The following KIF7 variants were observed in gnomAD, a reference collection of about 807,000 sequenced individuals.
KIF7 encodes the protein kinesin-like protein KIF7.
A neutral mutation model predicts 135.7 loss-of-function variants in KIF7; 104 were observed. That is an observed-to-expected ratio of 0.77 (90% CI 0.65 to 0.90). The LOEUF is 0.90. Among genes scored for constraint, KIF7 ranks in the 40% least tolerant of loss-of-function variants. KIF7 has a pLI of 0.00. For synonymous variants in KIF7, 883 were observed against 809.4 expected, an observed-to-expected ratio of 1.09 and a Z score of -1.54; for missense variants, 2,005 against 1,839.1, an observed-to-expected ratio of 1.09 and a Z score of -1.65.
In KIF7 at chr15:89,633,847, C is replaced by G. The variant is rs1391914901; in HGVS notation, c.2431G>C (p.Val811Leu). ...TTCTCACTCTGGGCCGACAGTGACACCAGCCGCTCCGTAGCCTGCTTCTTC... is the reference window on the plus strand; with the variant it reads ...TTCTCACTCTGGGCCGACAGTGACAGCAGCCGCTCCGTAGCCTGCTTCTTC... ...KEKKQATERL[V>L]SLSAQSEKRL... The change falls in exon 12 of 19, where the codon GTG becomes CTG. Residue 811 changes from valine to leucine, a missense_variant. Physicochemically the swap from Val to Leu is conservative, Grantham distance 32. Coordinates refer to ENST00000394412, the MANE Select transcript of KIF7 (RefSeq NM_198525.3). 1.2e-6 allele frequency: 2 copies of G among 1,613,766 alleles called. No individual in the cohort carries two copies. The highest frequency in any genetic ancestry group is 1.7e-6 in the Non-Finnish European group (2 of 1,180,042).
At chr15:89,652,524 G>T in intron 2 of KIF7, 79 bp downstream of exon 2, 1 of 1,113,872 alleles carries the variant, frequency 9.0e-7, no homozygotes, top group Non-Finnish European at 1.3e-6. Flanking sequence ...AGAACAGGCA[G>T]CAAGAGGACA....
At position 89,639,599 on chromosome 15, in the gene KIF7, C is replaced by A. The variant is rs1237734087; in HGVS notation, c.2394+2604G>T. On this transcript the variant is annotated intron_variant, in intron 11 of 18. Transcript: ENST00000394412. ...AATCAAAACCACAATGAGATACCAT[C>A]TCACACCAGTTAGAATGGCAATCAT... Among the ~76,000 whole-genome samples the A allele has an allele frequency of 2.2e-4, 29 of 132,264 alleles. No homozygotes were observed. In the East Asian group the frequency reaches 5.8e-3, roughly 27 times the overall value. 86.8% of individuals were successfully genotyped at this position (132,264 alleles called of 152,430 possible).
chr15:89,638,151 T>C (rs1200272598), intron 11 of KIF7, among the ~76,000 whole-genome samples: 7 of 149,800 alleles, frequency 4.7e-5, no homozygotes, highest in African/African-American at 1.7e-4. Context: ...GGGACGTATC[T>C]CAAAATCATA....
intron 16 of KIF7, chr15:89,629,922 G>A (rs921757314): frequency 1.9e-6 from 1 of 516,232 alleles, no homozygotes; most frequent in Non-Finnish European, 3.5e-6. Context: ...CCTGTCCTGT[G>A]TGTTATAGGA....
chr15:89,628,878 C>T, intron 18 of KIF7, 92 bp from the exon 19 acceptor site: 1 of 1,610,942 alleles, frequency 6.2e-7, no homozygotes, highest in Non-Finnish European at 8.5e-7. Context: ...AATAAGCAAC[C>T]TGTGAATTGA....
intron 1 of KIF7, among the ~76,000 whole-genome samples, chr15:89,653,760 G>GTATTAA (rs1321681775): frequency 7.6e-5 from 2 of 26,392 alleles, no homozygotes; most frequent in African/African-American, 2.2e-4. Flanking sequence ...ATTAGTATTA[G>GTATTAA]TATTAGTATT....
chr15:89,623,931 G>A (rs753914014), downstream of KIF7: 7 of 1,613,960 alleles, frequency 4.3e-6, no homozygotes, highest in South Asian at 7.7e-5. Context: ...CTGGGTTTTT[G>A]CCAAACTGTA....
intron 14 of KIF7, among the ~76,000 whole-genome samples, 177 bp downstream of exon 14, chr15:89,632,643 T>C (rs1963704634): frequency 6.6e-6 from 1 of 152,148 alleles, no homozygotes; most frequent in Admixed American, 6.5e-5. Flanking sequence ...CTCTCCTGTC[T>C]AGACCTCGCC....
chr15:89,620,924 G>C (rs1055474926), intron 1 of KIF7, among the ~76,000 whole-genome samples: 2 of 150,592 alleles, frequency 1.3e-5, no homozygotes, highest in African/African-American at 4.9e-5. Flanking sequence ...AGGTTTCACT[G>C]TGTTAGCCAG....
At chr15:89,622,488 G>A (rs1157609490) in intron 1 of KIF7, among the ~76,000 whole-genome samples, 2 of 152,138 alleles carry the variant, frequency 1.3e-5, no homozygotes, top group South Asian at 2.1e-4. Flanking sequence ...CTCCCCGTCC[G>A]CTAAAGCAAG....
intron 2 of KIF7, among the ~76,000 whole-genome samples, 165 bp downstream of exon 2, chr15:89,652,438 T>C (rs536989262): frequency 6.6e-6 from 1 of 152,262 alleles, no homozygotes; most frequent in Admixed American, 6.5e-5. Flanking sequence ...CCCACAGACA[T>C]GGCTGGTCCC....
At chr15:89,623,832 T>A, downstream of KIF7, 1 of 1,613,680 alleles carries the variant, frequency 6.2e-7, no homozygotes, top group Non-Finnish European at 8.5e-7. Context: ...CAAAAATCAC[T>A]CCTCAAAAAC....
chr15:89,624,312 C>T (rs1463490639), downstream of KIF7: 1 of 1,614,192 alleles, frequency 6.2e-7, no homozygotes, highest in East Asian at 2.2e-5. Flanking sequence ...AGTGTCCTTC[C>T]CCAGGAGAAC....
In KIF7 at chr15:89,652,830, T is replaced by C; in HGVS notation, c.101A>G (p.His34Arg). 1 of 1,550,382 alleles carries C rather than the reference T, an allele frequency of 6.5e-7. No homozygotes were observed. The highest frequency in any genetic ancestry group is 8.7e-7 in the Non-Finnish European group (1 of 1,146,702). ...PLLPKELLHGHQSCLQVEPGL... is the reference protein window; with the variant it reads ...PLLPKELLHGRQSCLQVEPGL... ...TGGCTCCACCTGCAGGCAGCTCTGATGCCCGTGCAGCAGCTCCTTGGGCAG... is the reference window on the plus strand; with the variant it reads ...TGGCTCCACCTGCAGGCAGCTCTGACGCCCGTGCAGCAGCTCCTTGGGCAG... Residue 34 changes from histidine (H) to arginine (R), a missense_variant, in exon 2 of 19, where the codon CAT becomes CGT. By Grantham distance (29) the His-to-Arg change is conservative. Transcript: ENST00000394412.
At chr15:89,636,242 C>G (rs1469393566) in intron 11 of KIF7, among the ~76,000 whole-genome samples, 1 of 151,550 alleles carries the variant, frequency 6.6e-6, no homozygotes, top group Non-Finnish European at 1.5e-5. Flanking sequence ...ATGTAAAGAC[C>G]ATCGAGACTA....
chr15:89,633,763 G>A lies in KIF7; in HGVS notation c.2515C>T (p.Gln839Ter), dbSNP rs1016037218. 1.2e-6 allele frequency: 2 copies of A among 1,610,820 alleles called. No individual in the cohort carries two copies. Among genetic ancestry groups the A allele is most frequent in the African/African-American group, 1.3e-5 (1 of 75,064 alleles). ...TCCGTCTCCTCGCGAAGCCGCCTCT[G>A]CAGCTGTCCCTGCTGCTGCCGCATG... is the stretch of plus-strand genomic sequence containing the variant. The part of the protein sequence containing the change: ...QLMRQQQGQL[Q>*]RRLREETEQK... The change falls in exon 12 of 19, where the codon CAG (glutamine) becomes TAG (stop). Residue 839 changes from glutamine (Q) to a stop codon, truncating the protein, a stop_gained. Transcript: ENST00000394412. LOFTEE classifies it high-confidence loss of function.
At chr15:89,643,714 G>A (rs1963961962) in intron 10 of KIF7, among the ~76,000 whole-genome samples, 1 of 152,002 alleles carries the variant, frequency 6.6e-6, no homozygotes, top group Non-Finnish European at 1.5e-5. Context: ...GTGAAACCCC[G>A]TCTCTACTAA....
rs369321011 is a variant in KIF7 at position 89,646,901 on chromosome 15, C to T, written c.1717G>A (p.Ala573Thr). 4.8e-5 allele frequency: 78 copies of T among 1,614,114 alleles called. No individual in the cohort carries two copies. The highest frequency in any genetic ancestry group is 6.1e-5 in the Non-Finnish European group (72 of 1,180,012). Residue 573 changes from alanine (A) to threonine (T), a missense_variant, in exon 7 of 19, where the codon GCC becomes ACC. Coordinates refer to ENST00000394412, the MANE Select transcript of KIF7 (RefSeq NM_198525.3). The part of the protein sequence containing the change: ...PHTAPLGGAH[A>T]HVLGMVPPAC... ...GGCGGCACCATGCCCAGCACATGGG[C>T]GTGGGCACCCCCCAGGGGGGCTGTA...
chr15:89,621,023 GTT>G (rs1263870699), intron 1 of KIF7, among the ~76,000 whole-genome samples: 1 of 144,814 alleles, frequency 6.9e-6, no homozygotes, highest in Non-Finnish European at 1.5e-5. Flanking sequence ...GCCCGGCCTT[GTT>G]TGTTTGTTTT....
Sources: allele counts gnomAD v4.1 joint callset (sites outside exome capture counted in the v4.1 genomes callset), GRCh38; gene constraint gnomAD v4.1.1; transcripts MANE v1.5; gene names NCBI Gene and HGNC (gene_info 2026-07-23, HGNC 2026-07-21).